HECW2: variants seen among roughly 807,000 people sequenced by gnomAD.
HECW2 encodes E3 ubiquitin-protein ligase HECW2.
A neutral mutation model predicts 175.2 loss-of-function variants in HECW2; 61 were observed. The ratio of observed to expected loss-of-function variants is 0.35; its 90% CI spans 0.28 to 0.43. The LOEUF is 0.43. Ranked by LOEUF, HECW2 falls within the 20% of genes least tolerant of loss-of-function variation. HECW2 has a pLI of 1.00. For missense variants in HECW2, 1,524 were observed against 2,000.5 expected (o/e 0.76, Z 4.54); for synonymous variants, 671 against 731.0 (o/e 0.92, Z 1.32).
At chr2:196,389,885 T>C (rs1694455926) in intron 2 of HECW2, among the ~76,000 whole-genome samples, 1 of 151,972 alleles carries the variant, frequency 6.6e-6, no homozygotes, top group Non-Finnish European at 1.5e-5. Context: ...CTTGGATGAG[T>C]GTATCCTCTC....
chr2:196,453,874 T>A lies in HECW2; in HGVS notation c.-35-20416A>T, dbSNP rs552909106. ...CAAAAACAAAATTGTGACGTGGAGC[T>A]TCATGAAAAGCTCCATGTAAGACTG... On this transcript the variant is annotated intron_variant, in intron 1 of 28. Transcript: ENST00000644978. Among the ~76,000 whole-genome samples, 13 of 152,244 alleles carry A rather than the reference T, an allele frequency of 8.5e-5. No individual in the cohort carries two copies. The South Asian group carries it at 2.7e-3, about 32-fold the overall frequency.
chr2:196,390,873 A>G (rs1694488828), intron 2 of HECW2, among the ~76,000 whole-genome samples: 1 of 152,130 alleles, frequency 6.6e-6, no homozygotes, highest in Non-Finnish European at 1.5e-5. Flanking sequence ...TTCTGTTTTG[A>G]GCTTTGCATA....
chr2:196,558,477 C>G (rs1575670929), intron 1 of HECW2, among the ~76,000 whole-genome samples: 1 of 152,184 alleles, frequency 6.6e-6, no homozygotes, highest in Admixed American at 6.6e-5. Flanking sequence ...CATGAGCATA[C>G]TTTTTGAAAC....
intron 1 of HECW2, among the ~76,000 whole-genome samples, chr2:196,530,392 T>G (rs1688801674): frequency 6.6e-6 from 1 of 152,196 alleles, no homozygotes; most frequent in Non-Finnish European, 1.5e-5. Context: ...CTAATTATAT[T>G]ATGCCTAACA....
intron 5 of HECW2, among the ~76,000 whole-genome samples, chr2:196,327,418 T>A (rs1294138320): frequency 6.6e-6 from 1 of 152,202 alleles, no homozygotes; most frequent in East Asian, 1.9e-4. Context: ...ATCCACACCA[T>A]ATAATAGGCC....
intron 1 of HECW2, among the ~76,000 whole-genome samples, chr2:196,522,930 C>T (rs1483771805): frequency 1.3e-5 from 2 of 152,132 alleles, no homozygotes; most frequent in Non-Finnish European, 2.9e-5. Flanking sequence ...CAGCTTTGTT[C>T]TTTTGACTTA....
At chr2:196,237,899 T>C (rs1688310841) in intron 21 of HECW2, among the ~76,000 whole-genome samples, 1 of 152,252 alleles carries the variant, frequency 6.6e-6, no homozygotes, top group African/African-American at 2.4e-5. Context: ...GTATATTTCC[T>C]GCTTAGTGTT....
chr2:196,441,457 C>T (rs1696041975), intron 1 of HECW2, among the ~76,000 whole-genome samples: 1 of 151,898 alleles, frequency 6.6e-6, no homozygotes, highest in Non-Finnish European at 1.5e-5. Flanking sequence ...TTTTTACTAT[C>T]TAAATGAGGA....
chr2:196,297,412 G>T (rs1051970506), intron 13 of HECW2, among the ~76,000 whole-genome samples: 8 of 152,198 alleles, frequency 5.3e-5, no homozygotes, highest in African/African-American at 1.9e-4. Flanking sequence ...TTACATGTTT[G>T]TTTGAGGTTG....
At chr2:196,528,881 GCTTT>G (rs1355680712) in intron 1 of HECW2, among the ~76,000 whole-genome samples, 1 of 152,184 alleles carries the variant, frequency 6.6e-6, no homozygotes, top group Admixed American at 6.5e-5. Flanking sequence ...AAACTCTCTG[GCTTT>G]CTCTTTTTCT....
At chr2:196,491,507 C>T (rs527576016) in intron 1 of HECW2, among the ~76,000 whole-genome samples, 9,591 of 145,186 alleles carry the variant, frequency 0.066, 1,095 homozygotes, top group African/African-American at 0.24. Flanking sequence ...TATATACACA[C>T]ACACACACAC....
In HECW2 at chr2:196,383,089, T is replaced by C. The variant is rs142564569; in HGVS notation, c.293-39325A>G. Among the ~76,000 whole-genome samples the C allele has an allele frequency of 3.3e-5, 5 of 152,222 alleles. No individual in the cohort carries two copies. In the East Asian group the frequency reaches 9.7e-4, roughly 29 times the overall value. ...AGATAACAAAGATAGGAATAAAAGT[T>C]GAAGCAGTGGAGCCAGATATAGATA... On this transcript the variant is annotated intron_variant, in intron 2 of 28. Transcript: ENST00000644978.
chr2:196,240,316 A>G, intron 21 of HECW2, 133 bp downstream of exon 21: 1 of 502,586 alleles, frequency 2.0e-6, no homozygotes, highest in East Asian at 3.2e-5. Context: ...AAAAAGCCCA[A>G]AGGTTTAAGT....
chr2:196,454,241 T>C (rs1696435131), intron 1 of HECW2, among the ~76,000 whole-genome samples: 1 of 152,194 alleles, frequency 6.6e-6, no homozygotes, highest in Admixed American at 6.5e-5. Context: ...AATACATGTA[T>C]AGTTACTTTA....
chr2:196,234,177 G>C (rs1688156308), intron 21 of HECW2, among the ~76,000 whole-genome samples: 2 of 152,152 alleles, frequency 1.3e-5, no homozygotes, highest in Admixed American at 6.5e-5. Flanking sequence ...GGCAATCACA[G>C]TGTAAACCTC....
At chr2:196,356,176 C>T (rs967789164) in intron 2 of HECW2, among the ~76,000 whole-genome samples, 1 of 152,202 alleles carries the variant, frequency 6.6e-6, no homozygotes, top group African/African-American at 2.4e-5. Context: ...TGTGCCAGTG[C>T]TGTTCTAGTG....
In HECW2 at chr2:196,194,108, C is replaced by T. The variant is rs548880101; in HGVS notation, c.*7169G>A. 1 of 152,148 alleles carries T rather than the reference C, an allele frequency of 6.6e-6. No individual in the cohort carries two copies. Among genetic ancestry groups the T allele is most frequent in the South Asian group, 2.1e-4 (1 of 4,814 alleles). 9.4% of individuals were successfully genotyped at this position (152,148 alleles called of 1,614,324 possible). A position where few individuals can be genotyped will look rare whatever the true frequency, so the allele number is the denominator to read the frequency against. ...ATTATGATTTGTATTATAATTCATTCCTTTAACATTAACAGCCCATCAAAC... is the reference window on the plus strand; with the variant it reads ...ATTATGATTTGTATTATAATTCATTTCTTTAACATTAACAGCCCATCAAAC... On this transcript the variant is annotated 3_prime_UTR_variant, in exon 29 of 29. Coordinates refer to ENST00000644978, the MANE Select transcript of HECW2 (RefSeq NM_001348768.2).
intron 1 of HECW2, among the ~76,000 whole-genome samples, chr2:196,574,424 T>C (rs61031505): frequency 0.035 from 5,328 of 151,558 alleles, 311 homozygotes; most frequent in African/African-American, 0.12. Flanking sequence ...AGTGAGACTC[T>C]GTCTCAAGAA....
chr2:196,285,374 C>T (rs1690346320), intron 14 of HECW2, among the ~76,000 whole-genome samples: 1 of 152,282 alleles, frequency 6.6e-6, no homozygotes, highest in Admixed American at 6.5e-5. Context: ...CTACAGAACG[C>T]TACAGAAAGA....
Sources: gnomAD v4.1 joint callset for allele counts (sites outside exome capture counted in the v4.1 genomes callset) on GRCh38, gnomAD v4.1.1 for gene constraint, MANE v1.5 for transcripts, NCBI Gene and HGNC (gene_info 2026-07-23, HGNC 2026-07-21) for gene names.